LSAMP: variants seen among roughly 807,000 people sequenced by gnomAD.
LSAMP encodes the protein limbic system-associated membrane protein.
Under a neutral mutation model 38.6 loss-of-function variants are expected in LSAMP, and 7 were observed. The observed-to-expected ratio is 0.18, with a 90% confidence interval of 0.10 to 0.34. LSAMP has a LOEUF of 0.34. Among genes scored for constraint, LSAMP ranks in the 10% least tolerant of loss-of-function variants. LSAMP has a pLI of 1.00. For synonymous variants in LSAMP, 154 were observed against 166.8 expected, an observed-to-expected ratio of 0.92 and a Z score of 0.59; for missense variants, 313 against 420.0, an observed-to-expected ratio of 0.75 and a Z score of 2.23.
chr3:116,295,382 C>CCTGA (rs1263919845), intron 1 of LSAMP, among the ~76,000 whole-genome samples: 2 of 152,192 alleles, frequency 1.3e-5, no homozygotes, highest in Non-Finnish European at 2.9e-5. Flanking sequence ...ATCCACATTT[C>CCTGA]CTGACTGGCT....
chr3:116,241,131 C>T (rs1330202314), intron 1 of LSAMP, among the ~76,000 whole-genome samples: 1 of 150,354 alleles, frequency 6.7e-6, no homozygotes, highest in Non-Finnish European at 1.5e-5. Flanking sequence ...GAGCCAAGAT[C>T]GCACCACTGC....
At chr3:115,981,776 G>A (rs748523006) in intron 3 of LSAMP, among the ~76,000 whole-genome samples, 2 of 152,126 alleles carry the variant, frequency 1.3e-5, no homozygotes, top group Non-Finnish European at 2.9e-5. Context: ...AACCAAATCC[G>A]CACATCGGAA....
intron 3 of LSAMP, among the ~76,000 whole-genome samples, chr3:115,876,004 T>C (rs1401238929): frequency 6.6e-6 from 1 of 152,028 alleles, no homozygotes. Flanking sequence ...GATTTTTTTC[T>C]TTTATTTTAA....
chr3:116,347,752 A>G (rs1196727018), intron 1 of LSAMP, among the ~76,000 whole-genome samples: 2 of 152,132 alleles, frequency 1.3e-5, no homozygotes, highest in East Asian at 3.9e-4. Flanking sequence ...CCCACAGCCA[A>G]CTTCAGCTCA....
rs1710790120 is a variant in LSAMP at position 116,193,011 on chromosome 3, T to G, written c.156-106455A>C. 2.6e-5 allele frequency among the ~76,000 whole-genome samples: 4 copies of G among 152,298 alleles called. No individual in the cohort carries two copies. The South Asian group carries it at 8.3e-4, about 32-fold the overall frequency. On this transcript the variant is annotated intron_variant, in intron 1 of 6. Coordinates refer to ENST00000490035, the MANE Select transcript of LSAMP (RefSeq NM_002338.5). ...GCACTGTAATAGAACAACTCCACGG[T>G]AGATGAATAGTTTCCTGTACAATTA...
chr3:115,853,439 G>A (rs1935395201), intron 3 of LSAMP, among the ~76,000 whole-genome samples: 1 of 151,860 alleles, frequency 6.6e-6, no homozygotes, highest in Admixed American at 6.6e-5. Flanking sequence ...TTAGGTATAG[G>A]GAGGTCCTGT....
At chr3:115,958,093 T>G (rs1398731135) in intron 3 of LSAMP, among the ~76,000 whole-genome samples, 1 of 152,206 alleles carries the variant, frequency 6.6e-6, no homozygotes, top group African/African-American at 2.4e-5. Context: ...TATTCATATA[T>G]GCACACACAC....
At chr3:116,131,282 C>T (rs1230862578) in intron 1 of LSAMP, among the ~76,000 whole-genome samples, 1 of 151,980 alleles carries the variant, frequency 6.6e-6, no homozygotes, top group South Asian at 2.1e-4. Flanking sequence ...TGAGCCACCT[C>T]GCCCGGCCTA....
chr3:115,815,320 C>A (rs1394661226), intron 6 of LSAMP, among the ~76,000 whole-genome samples: 1 of 152,116 alleles, frequency 6.6e-6, no homozygotes, highest in African/African-American at 2.4e-5. Flanking sequence ...GTACTATCTG[C>A]AGTTTCAGGC....
chr3:116,224,475 G>A (rs529723774), intron 1 of LSAMP, among the ~76,000 whole-genome samples: 28 of 152,332 alleles, frequency 1.8e-4, no homozygotes, highest in African/African-American at 6.7e-4. Context: ...GAATCTGATA[G>A]AAGGATACAG....
chr3:116,062,213 C>T (rs767164385), intron 2 of LSAMP, among the ~76,000 whole-genome samples: 4 of 152,216 alleles, frequency 2.6e-5, no homozygotes, highest in Non-Finnish European at 5.9e-5. Flanking sequence ...GATTTATACT[C>T]AGTGTGAAAT....
At chr3:116,119,679 G>C (rs1383200711) in intron 1 of LSAMP, among the ~76,000 whole-genome samples, 3 of 144,350 alleles carry the variant, frequency 2.1e-5, no homozygotes, top group Admixed American at 6.9e-5. Context: ...TTTTTTTTGA[G>C]AAGGAGTCTT....
intron 1 of LSAMP, among the ~76,000 whole-genome samples, chr3:116,089,836 C>G (rs1282251057): frequency 6.6e-6 from 1 of 151,916 alleles, no homozygotes; most frequent in African/African-American, 2.4e-5. Context: ...AACCACTTCT[C>G]CAGATCTTTC....
intron 2 of LSAMP, among the ~76,000 whole-genome samples, chr3:116,046,695 G>A (rs1941296141): frequency 6.6e-6 from 1 of 152,212 alleles, no homozygotes; most frequent in African/African-American, 2.4e-5. Context: ...TTGCTAGGGA[G>A]CCTTGGCAGT....
chr3:115,819,636 C>T (rs748426718), intron 6 of LSAMP, among the ~76,000 whole-genome samples: 64 of 152,176 alleles, frequency 4.2e-4, no homozygotes, highest in Admixed American at 1.7e-3. Context: ...ATAAAAAATT[C>T]CCAAATATTC....
intron 2 of LSAMP, among the ~76,000 whole-genome samples, chr3:116,067,349 C>T (rs1026873557): frequency 6.6e-6 from 1 of 152,136 alleles, no homozygotes; most frequent in Non-Finnish European, 1.5e-5. Flanking sequence ...AACACAAAAA[C>T]CTAAAATTCT....
intron 3 of LSAMP, among the ~76,000 whole-genome samples, chr3:115,918,036 G>C (rs1559880412): frequency 6.6e-6 from 1 of 152,188 alleles, no homozygotes; most frequent in Non-Finnish European, 1.5e-5. Flanking sequence ...GGCCAGTGCT[G>C]TGGCTGTGGG....
chr3:116,420,120 G>T (rs1202949315), intron 1 of LSAMP, among the ~76,000 whole-genome samples: 3 of 147,724 alleles, frequency 2.0e-5, no homozygotes, highest in African/African-American at 5.0e-5. Flanking sequence ...TTTTTCAAGA[G>T]AAAGTCTTGC....
chr3:116,232,699 C>CTTTTTCTT (rs2046416053), intron 1 of LSAMP, among the ~76,000 whole-genome samples: 1 of 99,448 alleles, frequency 1.0e-5, no homozygotes, highest in East Asian at 3.4e-4. Flanking sequence ...TTCTTTCTTT[C>CTTTTTCTT]TTTTTTTTTT....
Sources: allele counts gnomAD v4.1 joint callset (sites outside exome capture counted in the v4.1 genomes callset), GRCh38; gene constraint gnomAD v4.1.1; transcripts MANE v1.5; gene names NCBI Gene and HGNC (gene_info 2026-07-23, HGNC 2026-07-21).